Variants in FILIP1L observed in about 807,000 individuals in gnomAD.
The protein encoded by FILIP1L is filamin A interacting protein 1 like.
A neutral mutation model predicts 96.6 loss-of-function variants in FILIP1L; 55 were observed. That is an observed-to-expected ratio of 0.57 (90% CI 0.46 to 0.71). FILIP1L has a LOEUF of 0.71. FILIP1L is among the 30% of genes least tolerant of loss of function. FILIP1L has a pLI of 0.00. For missense variants in FILIP1L, 1,304 were observed against 1,321.2 expected, an observed-to-expected ratio of 0.99 and a Z score of 0.20; for synonymous variants, 467 against 473.9, an observed-to-expected ratio of 0.99 and a Z score of 0.19.
At chr3:99,989,285 T>C (rs948038819) in intron 1 of FILIP1L, among the ~76,000 whole-genome samples, 3 of 152,200 alleles carry the variant, frequency 2.0e-5, no homozygotes, top group Non-Finnish European at 4.4e-5. Context: ...TGCTCTGCTT[T>C]CTCAGGGGCT....
intron 4 of FILIP1L, among the ~76,000 whole-genome samples, chr3:99,922,630 G>A (rs772864349): frequency 2.0e-5 from 3 of 152,166 alleles, no homozygotes; most frequent in Non-Finnish European, 4.4e-5. Context: ...GGAAGTAGTT[G>A]AATAAGCCAT....
At chr3:99,848,190 T>C (rs920549835) in intron 5 of FILIP1L, 105 bp downstream of exon 5, 33 of 1,558,746 alleles carry the variant, frequency 2.1e-5, no homozygotes, top group Admixed American at 3.6e-5. Context: ...GTTCAGTCAG[T>C]CTTGGGGGAT....
At chr3:100,073,759 G>A (rs147999025) in intron 1 of FILIP1L, among the ~76,000 whole-genome samples, 24 of 152,198 alleles carry the variant, frequency 1.6e-4, no homozygotes, top group Non-Finnish European at 2.5e-4. Flanking sequence ...GGTGTGTGCC[G>A]GGCAAGATCT....
chr3:99,864,555 C>G (rs964494774), intron 4 of FILIP1L, among the ~76,000 whole-genome samples: 1 of 152,158 alleles, frequency 6.6e-6, no homozygotes, highest in Non-Finnish European at 1.5e-5. Context: ...AGGCTACATG[C>G]CGGAAACCCC....
chr3:99,878,807 C>G (rs1032193161), intron 4 of FILIP1L, among the ~76,000 whole-genome samples: 1 of 152,212 alleles, frequency 6.6e-6, no homozygotes, highest in African/African-American at 2.4e-5. Flanking sequence ...ATTGCAAACT[C>G]CAACCAGCTG....
intron 4 of FILIP1L, among the ~76,000 whole-genome samples, chr3:99,914,444 C>T (rs1706888422): frequency 6.6e-6 from 1 of 151,166 alleles, no homozygotes; most frequent in Admixed American, 6.6e-5. Flanking sequence ...ATTTTTTTTT[C>T]CAGAAGTAAC....
intron 4 of FILIP1L, among the ~76,000 whole-genome samples, chr3:99,880,509 T>C (rs1576543732): frequency 6.6e-6 from 1 of 152,160 alleles, no homozygotes; most frequent in Non-Finnish European, 1.5e-5. Flanking sequence ...ATTATTCTGC[T>C]CATACTTCAG....
chr3:100,082,139 A>ATTTGCAATTTG (rs2065941993), intron 1 of FILIP1L, among the ~76,000 whole-genome samples: 1 of 152,132 alleles, frequency 6.6e-6, no homozygotes, highest in African/African-American at 2.4e-5. Context: ...ATTGCAAAAT[A>ATTTGCAATTTG]CAAACAACTC....
chr3:99,873,777 T>G (rs188689948), intron 4 of FILIP1L, among the ~76,000 whole-genome samples: 1 of 152,336 alleles, frequency 6.6e-6, no homozygotes, highest in Admixed American at 6.5e-5. Context: ...AGGCTTGATT[T>G]GTGTTTTCAT....
intron 1 of FILIP1L, among the ~76,000 whole-genome samples, chr3:100,091,284 C>CAAAA (rs570908389): frequency 1.7e-4 from 10 of 59,082 alleles, no homozygotes; most frequent in African/African-American, 4.9e-4. Flanking sequence ...GACTCCGTCT[C>CAAAA]AAAAAAAAAA....
chr3:100,070,693 G>T (rs577599426), intron 1 of FILIP1L, among the ~76,000 whole-genome samples: 2 of 152,078 alleles, frequency 1.3e-5, no homozygotes, highest in Admixed American at 1.3e-4. Context: ...GTGCAGTGGC[G>T]CAATCTCGGC....
At chr3:99,945,062 T>A (rs1707967625) in intron 1 of FILIP1L, among the ~76,000 whole-genome samples, 1 of 152,132 alleles carries the variant, frequency 6.6e-6, no homozygotes, top group South Asian at 2.1e-4. Flanking sequence ...TCATCAAGAA[T>A]CATCAAAAAG....
At chr3:100,110,226 G>T (rs181590001) in intron 1 of FILIP1L, among the ~76,000 whole-genome samples, 140 of 152,222 alleles carry the variant, frequency 9.2e-4, no homozygotes, top group Non-Finnish European at 1.8e-3. Context: ...CTGATCAAAT[G>T]CAAAGGTTCT....
At chr3:99,851,137 T>C (rs1236778900) in intron 4 of FILIP1L, 67 bp from the exon 5 acceptor site, 10 of 1,242,172 alleles carry the variant, frequency 8.1e-6, no homozygotes, top group Non-Finnish European at 9.9e-6. Flanking sequence ...TGTACTTAAA[T>C]ATATATGTAA....
intron 4 of FILIP1L, among the ~76,000 whole-genome samples, chr3:99,922,168 A>C (rs761496594): frequency 2.7e-4 from 41 of 152,250 alleles, no homozygotes; most frequent in Admixed American, 1.4e-3. Flanking sequence ...TGATCAGTAA[A>C]TGTTCATAAT....
chr3:99,976,809 G>A (rs1708985638), intron 1 of FILIP1L, among the ~76,000 whole-genome samples: 1 of 152,094 alleles, frequency 6.6e-6, no homozygotes, highest in Admixed American at 6.5e-5. Flanking sequence ...TTTAGAAGAT[G>A]TTTGACCATT....
intron 1 of FILIP1L, among the ~76,000 whole-genome samples, chr3:99,940,793 A>T (rs1311785179): frequency 6.6e-6 from 1 of 152,222 alleles, no homozygotes; most frequent in Non-Finnish European, 1.5e-5. Context: ...GCCTAGGCCA[A>T]CCCAGCCTAA....
intron 1 of FILIP1L, among the ~76,000 whole-genome samples, chr3:100,031,163 G>A (rs951578528): frequency 1.3e-5 from 2 of 152,020 alleles, no homozygotes; most frequent in African/African-American, 4.8e-5. Flanking sequence ...GTACTTAAAT[G>A]TCATATTTAT....
At chr3:100,037,546 GA>G (rs1409313515) in intron 1 of FILIP1L, among the ~76,000 whole-genome samples, 1 of 152,028 alleles carries the variant, frequency 6.6e-6, no homozygotes, top group Non-Finnish European at 1.5e-5. Context: ...ATAAACTGAG[GA>G]ATACAAAATT....
Sources: gnomAD v4.1 joint callset for allele counts (sites outside exome capture counted in the v4.1 genomes callset) on GRCh38, gnomAD v4.1.1 for gene constraint, MANE v1.5 for transcripts, NCBI Gene and HGNC (gene_info 2026-07-23, HGNC 2026-07-21) for gene names.